The following ACSM2A variants were observed in gnomAD, a reference collection of about 807,000 sequenced individuals.
ACSM2A encodes the protein acyl-CoA synthetase medium chain family member 2A.
ACSM2A carries 72 observed loss-of-function variants against 76.6 expected under a neutral mutation model. The ratio of observed to expected loss-of-function variants is 0.94; its 90% CI spans 0.78 to 1.14. The LOEUF (loss-of-function observed/expected upper bound fraction) is 1.14, where lower values mean the gene tolerates loss of function less well. Among genes scored for constraint, ACSM2A ranks in the 50% most tolerant of loss-of-function variants. The pLI is 0.00. For missense variants in ACSM2A, 684 were observed against 708.5 expected, an observed-to-expected ratio of 0.97 and a Z score of 0.39; for synonymous variants, 249 against 255.9, an observed-to-expected ratio of 0.97 and a Z score of 0.26.
intron 4 of ACSM2A, 57 bp downstream of exon 4, chr16:20,469,776 C>A: frequency 1.2e-6 from 2 of 1,605,632 alleles, no homozygotes; most frequent in Non-Finnish European, 1.7e-6. Context: ...CAGAGCCAAG[C>A]ACTTAGGTGC....
chr16:20,474,694 G>T (rs1442350150), intron 6 of ACSM2A, among the ~76,000 whole-genome samples: 1 of 152,146 alleles, frequency 6.6e-6, no homozygotes, highest in East Asian at 1.9e-4. Flanking sequence ...CCCACTACTT[G>T]CTGACTAGGT....
chr16:20,478,938 A>G (rs531145003), intron 10 of ACSM2A, among the ~76,000 whole-genome samples: 1 of 152,274 alleles, frequency 6.6e-6, no homozygotes, highest in Admixed American at 6.5e-5. Context: ...TCTCTGTTTC[A>G]TGCCCAAAAT....
chr16:20,479,791 G>T (rs183730825), intron 10 of ACSM2A, among the ~76,000 whole-genome samples: 79 of 152,214 alleles, frequency 5.2e-4, no homozygotes, highest in Non-Finnish European at 9.7e-4. Context: ...AGGCCACAGA[G>T]GCTCCATGAT....
chr16:20,478,632 C>T lies in ACSM2A; in HGVS notation c.1236C>T (p.Ile412=). The change falls in exon 10 of 14, where the codon ATC becomes ATT. Residue 412 remains isoleucine (I), a synonymous_variant. Coordinates refer to ENST00000573854, the MANE Select transcript of ACSM2A (RefSeq NM_001308172.2). ...CCGGCACAGAAGGAGACATTGGCATCAGGGTCAAACCCATCAGGCCTATAG... is the reference window on the plus strand; with the variant it reads ...CCGGCACAGAAGGAGACATTGGCATTAGGGTCAAACCCATCAGGCCTATAG... ...LPPGTEGDIG[I]RVKPIRPIGI... is the part of the protein sequence containing the mutation. The T allele has an allele frequency of 1.2e-6, 2 of 1,613,912 alleles. No homozygotes were observed.
chr16:20,470,746 A>G (rs2013337301), intron 4 of ACSM2A: 10 of 512,092 alleles, frequency 2.0e-5, no homozygotes, highest in Middle Eastern at 5.9e-4. Context: ...TTGAGTTCTT[A>G]CTAAGCAATT....
At chr16:20,469,784 T>A in intron 4 of ACSM2A, 65 bp downstream of exon 4, 2 of 1,603,822 alleles carry the variant, frequency 1.2e-6, no homozygotes, top group Non-Finnish European at 1.7e-6. Context: ...AGCACTTAGG[T>A]GCAGGTGCTT....
At chr16:20,470,857 G>A (rs2013346001) in intron 4 of ACSM2A, 1 of 735,992 alleles carries the variant, frequency 1.4e-6, no homozygotes, top group Admixed American at 2.0e-5. Context: ...GTAGTTTAAG[G>A]TTGCATTGAT....
Position 20,469,596 on chromosome 16 carries a change from T to C in ACSM2A, c.473T>C (p.Val158Ala), listed in dbSNP as rs2013247868. 3.1e-6 allele frequency: 5 copies of C among 1,613,842 alleles called. No individual in the cohort carries two copies. Among genetic ancestry groups the C allele is most frequent in the Non-Finnish European group, 3.4e-6 (4 of 1,179,852 alleles). The change falls in exon 4 of 14, where the codon GTT (valine) becomes GCT (alanine). Residue 158 changes from valine to alanine, a missense_variant. Physicochemically the swap from Val to Ala is moderately conservative, Grantham distance 64. Coordinates refer to ENST00000573854, the MANE Select transcript of ACSM2A (RefSeq NM_001308172.2). ...RLQMSKAKAI[V>A]AGDEVIQEVD... ...CAGATGTCTAAGGCCAAGGCTATTGTTGCTGGGGATGAAGTCATCCAAGAA... is the reference window on the plus strand; with the variant it reads ...CAGATGTCTAAGGCCAAGGCTATTGCTGCTGGGGATGAAGTCATCCAAGAA...
chr16:20,483,061 G>T lies in ACSM2A; in HGVS notation c.1513G>T (p.Val505Leu). The T allele has an allele frequency of 6.2e-7, 1 of 1,613,596 alleles. No homozygotes were observed. Among genetic ancestry groups the T allele is most frequent in the Non-Finnish European group, 8.5e-7 (1 of 1,179,756 alleles). Residue 505 changes from valine (V) to leucine (L), a missense_variant, in exon 13 of 14, where the codon GTG becomes TTG. Val to Leu is a conservative substitution (Grantham distance 32). Transcript: ENST00000573854. The part of the protein sequence containing the change: ...SSPDPVRGEV[V>L]KAFVVLASQF... ...CTGGCCTTCATCTTTTTTGCAGGTG[G>T]TGAAGGCATTTGTGGTCCTGGCCTC... is the stretch of plus-strand genomic sequence containing the variant.
At chr16:20,479,017 A>G (rs942504347) in intron 10 of ACSM2A, among the ~76,000 whole-genome samples, 2 of 152,168 alleles carry the variant, frequency 1.3e-5, no homozygotes, top group African/African-American at 4.8e-5. Context: ...CCTAGGTATC[A>G]TCCCCATGCT....
Position 20,486,739 on chromosome 16 carries a change from C to A in ACSM2A, c.*61C>A, listed in dbSNP as rs1465572084. 7.0e-6 allele frequency: 11 copies of A among 1,572,018 alleles called. No homozygotes were observed. The Admixed American group carries it at 1.9e-4, about 27-fold the overall frequency. On this transcript the variant is annotated 3_prime_UTR_variant, in exon 14 of 14. Coordinates refer to ENST00000573854, the MANE Select transcript of ACSM2A (RefSeq NM_001308172.2). ...CTTTCTCTTTCTTTTCCCTTTGGGCCCTTGGCCTTCCTATGATTATATGAG... is the reference window on the plus strand; with the variant it reads ...CTTTCTCTTTCTTTTCCCTTTGGGCACTTGGCCTTCCTATGATTATATGAG...
intron 13 of ACSM2A, among the ~76,000 whole-genome samples, chr16:20,485,891 T>A (rs868570165): frequency 6.6e-6 from 1 of 152,248 alleles, no homozygotes; most frequent in Non-Finnish European, 1.5e-5. Flanking sequence ...CAATGAGGCA[T>A]CTTCACCATC....
In ACSM2A at chr16:20,479,626, T is replaced by C. The variant is rs561186015; in HGVS notation, c.1282-947T>C. ...ACAGATGAGGAAAACTGAGCCTCAG[T>C]GATCAGGGCAGAGCCACACTGTCCC... On this transcript the variant is annotated intron_variant, in intron 10 of 13. Coordinates refer to ENST00000573854, the MANE Select transcript of ACSM2A (RefSeq NM_001308172.2). Among the ~76,000 whole-genome samples the C allele has an allele frequency of 2.1e-3, 313 of 152,326 alleles. 1 individual carries two copies. The highest frequency in any genetic ancestry group is 2.9e-3 in the South Asian group (14 of 4,822).
At position 20,475,744 on chromosome 16, in the gene ACSM2A, A is replaced by G; in HGVS notation, c.1069A>G (p.Ile357Val). Residue 357 changes from isoleucine (I) to valine (V), a missense_variant, in exon 8 of 14, where the codon ATC becomes GTC. Coordinates refer to ENST00000573854, the MANE Select transcript of ACSM2A (RefSeq NM_001308172.2). ...CTGGAGGGCCCAGACAGGACTGGAC[A>G]TCCGAGAATCCTATGGCCAGACAGA... ...ENWRAQTGLD[I>V]RESYGQTETG... The G allele has an allele frequency of 6.2e-7, 1 of 1,614,048 alleles. No homozygotes were observed. Among genetic ancestry groups the G allele is most frequent in the Non-Finnish European group, 8.5e-7 (1 of 1,179,916 alleles).
chr16:20,465,040 G>A (rs1034742549), intron 2 of ACSM2A, among the ~76,000 whole-genome samples: 1 of 152,008 alleles, frequency 6.6e-6, no homozygotes, highest in Admixed American at 6.6e-5. Context: ...ATTCTTTCAC[G>A]AGTATACAAT....
At chr16:20,482,817 T>C in intron 12 of ACSM2A, 1 of 405,736 alleles carries the variant, frequency 2.5e-6, no homozygotes, top group East Asian at 4.3e-5. Context: ...TCTATTGTTA[T>C]TGGAGTATGA....
rs1476882069 is a variant in ACSM2A, at chr16:20,487,268, T to C, written c.*590T>C. 7 of 152,126 alleles carry C rather than the reference T, an allele frequency of 4.6e-5. No homozygotes were observed. The highest frequency in any genetic ancestry group is 1.3e-4 in the Admixed American group (2 of 15,254). The allele number at this position is 152,126 out of a possible 1,614,324, so 9.4% of individuals were successfully genotyped here. On this transcript the variant is annotated 3_prime_UTR_variant, in exon 14 of 14. Transcript: ENST00000573854. ...AAGAGAAGGAAGTAAAGAGGAAAAC[T>C]TATAAATATTCCCACAGATAGACAA...
chr16:20,463,180 A>C (rs1157696539), intron 2 of ACSM2A, among the ~76,000 whole-genome samples: 2 of 151,992 alleles, frequency 1.3e-5, no homozygotes, highest in Admixed American at 1.3e-4. Context: ...ATGTATACAT[A>C]TGTGACAAAC....
At chr16:20,482,150 A>G (rs1260981763) in intron 12 of ACSM2A, 3 of 152,460 alleles carry the variant, frequency 2.0e-5, no homozygotes, top group Middle Eastern at 3.1e-3. Flanking sequence ...AAAAAAAAAA[A>G]AAAAAGAAAG....
Sources: allele counts gnomAD v4.1 joint callset (sites outside exome capture counted in the v4.1 genomes callset), GRCh38; gene constraint gnomAD v4.1.1; transcripts MANE v1.5; gene names NCBI Gene and HGNC (gene_info 2026-07-23, HGNC 2026-07-21).